Variants in NRG3 observed in about 807,000 individuals in gnomAD.
NRG3 encodes the protein neuregulin 3.
Under a neutral mutation model 66.9 loss-of-function variants are expected in NRG3, and 31 were observed. The observed-to-expected ratio is 0.46, with a 90% CI of 0.35 to 0.63. NRG3 has a LOEUF of 0.63. Among genes scored for constraint, NRG3 ranks in the 20% least tolerant of loss-of-function variants. The pLI is 0.00. For synonymous variants in NRG3, 393 were observed against 359.4 expected (o/e 1.09, Z -1.06); for missense variants, 910 against 878.9 (o/e 1.04, Z -0.45).
chr10:82,603,516 C>T (rs139552307), intron 2 of NRG3, among the ~76,000 whole-genome samples: 8 of 152,254 alleles, frequency 5.3e-5, no homozygotes, highest in Non-Finnish European at 1.2e-4. Flanking sequence ...GTAGTGCAGT[C>T]AGAAATCCCA....
intron 2 of NRG3, among the ~76,000 whole-genome samples, chr10:82,512,277 T>C (rs1263489469): frequency 6.6e-6 from 1 of 151,670 alleles, no homozygotes; most frequent in African/African-American, 2.4e-5. Context: ...TTTATTTTTA[T>C]TTATCTTTTA....
intron 1 of NRG3, among the ~76,000 whole-genome samples, chr10:82,227,174 G>C (rs973816540): frequency 6.6e-6 from 1 of 152,068 alleles, no homozygotes; most frequent in Non-Finnish European, 1.5e-5. Context: ...TACTTGGGCT[G>C]TTTGTATCTT....
chr10:82,682,398 CAGATAGATAGAT>C (rs57109130), intron 2 of NRG3, among the ~76,000 whole-genome samples: 124 of 149,638 alleles, frequency 8.3e-4, no homozygotes, highest in East Asian at 1.6e-3. Flanking sequence ...AGTAGATAGA[CAGATAGATAGAT>C]AGATAGATAG....
At chr10:82,564,611 A>C (rs2045271687) in intron 2 of NRG3, among the ~76,000 whole-genome samples, 1 of 152,094 alleles carries the variant, frequency 6.6e-6, no homozygotes, top group African/African-American at 2.4e-5. Flanking sequence ...CCATAGAGAA[A>C]GAGAAATTCT....
chr10:82,626,645 A>T (rs2049442729), intron 2 of NRG3, among the ~76,000 whole-genome samples: 1 of 152,096 alleles, frequency 6.6e-6, no homozygotes, highest in Admixed American at 6.6e-5. Context: ...ATTACAACTA[A>T]TTTTTTCTTC....
At chr10:82,414,187 A>C (rs529049792) in intron 2 of NRG3, among the ~76,000 whole-genome samples, 5 of 152,252 alleles carry the variant, frequency 3.3e-5, no homozygotes, top group African/African-American at 1.2e-4. Flanking sequence ...GTGAGAGAGA[A>C]TGTGACTCTT....
chr10:82,005,709 G>A (rs1260407363), intron 1 of NRG3, among the ~76,000 whole-genome samples: 3 of 152,098 alleles, frequency 2.0e-5, no homozygotes, highest in Non-Finnish European at 4.4e-5. Flanking sequence ...TTAATGGAAT[G>A]TACTTACAAT....
chr10:82,438,973 G>A (rs1347722794), intron 2 of NRG3, among the ~76,000 whole-genome samples: 1 of 151,060 alleles, frequency 6.6e-6, no homozygotes, highest in Non-Finnish European at 1.5e-5. Context: ...AGTCCTTCTA[G>A]TCGGCCACCT....
At chr10:81,965,045 G>A (rs2059679808) in intron 1 of NRG3, among the ~76,000 whole-genome samples, 1 of 152,096 alleles carries the variant, frequency 6.6e-6, no homozygotes, top group Non-Finnish European at 1.5e-5. Context: ...TATATACCAA[G>A]CATCATTGGG....
At chr10:82,595,811 T>C (rs1031101122) in intron 2 of NRG3, among the ~76,000 whole-genome samples, 2 of 152,060 alleles carry the variant, frequency 1.3e-5, no homozygotes, top group East Asian at 1.9e-4. Context: ...TTGGAACTTT[T>C]AGTCATATTC....
intron 3 of NRG3, among the ~76,000 whole-genome samples, chr10:82,803,279 G>C (rs755650305): frequency 7.9e-5 from 12 of 152,150 alleles, no homozygotes; most frequent in Non-Finnish European, 1.8e-4. Flanking sequence ...GTGAGAGTCG[G>C]TTTAGAAGTT....
chr10:82,113,755 C>T (rs2067531408), intron 1 of NRG3, among the ~76,000 whole-genome samples: 1 of 152,178 alleles, frequency 6.6e-6, no homozygotes, highest in East Asian at 1.9e-4. Flanking sequence ...TTAGGGGAAG[C>T]AAGGTGAAGG....
At chr10:81,881,443 A>C (rs997281104) in intron 1 of NRG3, among the ~76,000 whole-genome samples, 3 of 152,172 alleles carry the variant, frequency 2.0e-5, no homozygotes, top group Admixed American at 6.5e-5. Context: ...ATGGAAGCTA[A>C]TGGTCATTTC....
chr10:82,425,103 C>T (rs2089335968), intron 2 of NRG3, among the ~76,000 whole-genome samples: 1 of 152,020 alleles, frequency 6.6e-6, no homozygotes, highest in African/African-American at 2.4e-5. Context: ...TTTGTTCTTT[C>T]TCAAGATTGT....
chr10:82,652,584 T>C (rs2051509800), intron 2 of NRG3, among the ~76,000 whole-genome samples: 1 of 152,184 alleles, frequency 6.6e-6, no homozygotes, highest in Admixed American at 6.5e-5. Flanking sequence ...TTCTCTCTGC[T>C]GGCTGAGCCT....
chr10:81,914,573 C>T (rs1212540899), intron 1 of NRG3, among the ~76,000 whole-genome samples: 1 of 116,928 alleles, frequency 8.6e-6, no homozygotes, highest in Non-Finnish European at 1.6e-5. Context: ...TTTCTGAAAA[C>T]AAACAAACAA....
chr10:82,355,482 T>C (rs889549505), intron 1 of NRG3, among the ~76,000 whole-genome samples: 1 of 152,192 alleles, frequency 6.6e-6, no homozygotes, highest in African/African-American at 2.4e-5. Context: ...TTTAATCAGA[T>C]GTACAAATGT....
chr10:82,128,752 G>GTT lies in NRG3; in HGVS notation c.824-229980_824-229979dup, dbSNP rs11458432. On this transcript the variant is annotated intron_variant, in intron 1 of 8. Coordinates refer to ENST00000372141, the MANE Select transcript of NRG3 (RefSeq NM_001010848.4). ...TTAAAAGCTTGTTTAAATTTCTGGGGTTTTTTTTGTTCACTTCAATTATTT... is the reference window on the plus strand; with the variant it reads ...TTAAAAGCTTGTTTAAATTTCTGGGGTTTTTTTTTTGTTCACTTCAATTATTT... Among the ~76,000 whole-genome samples, 15 of 151,340 alleles carry GTT rather than the reference G, an allele frequency of 9.9e-5. 1 individual carries two copies. Among genetic ancestry groups the GTT allele is most frequent in the South Asian group, 8.3e-4 (4 of 4,802 alleles).
At chr10:82,144,605 A>C (rs547126072) in intron 1 of NRG3, among the ~76,000 whole-genome samples, 70 of 152,340 alleles carry the variant, frequency 4.6e-4, no homozygotes, top group African/African-American at 1.3e-3. Context: ...GAAACAAGTC[A>C]ACTCTGTCAG....
Sources: allele counts gnomAD v4.1 joint callset (sites outside exome capture counted in the v4.1 genomes callset), GRCh38; gene constraint gnomAD v4.1.1; transcripts MANE v1.5; gene names NCBI Gene and HGNC (gene_info 2026-07-23, HGNC 2026-07-21).